The following NFKB1 variants were observed in gnomAD, a reference collection of about 807,000 sequenced individuals.
NFKB1 encodes nuclear factor kappa B subunit 1, also known as nuclear factor NF-kappa-B p105 subunit.
NFKB1 carries 9 observed loss-of-function variants against 105.1 expected under a neutral mutation model. The ratio of observed to expected loss-of-function variants is 0.09; its 90% CI spans 0.05 to 0.15. The LOEUF (loss-of-function observed/expected upper bound fraction) is 0.15, where lower values mean the gene tolerates loss of function less well. Ranked by LOEUF, NFKB1 falls within the 10% of genes least tolerant of loss-of-function variation. The pLI, the probability that NFKB1 is intolerant of heterozygous loss-of-function variation, is 1.00. For missense variants in NFKB1, 830 were observed against 1,203.7 expected, an observed-to-expected ratio of 0.69 and a Z score of 4.59; for synonymous variants, 440 against 442.2, an observed-to-expected ratio of 1.00 and a Z score of 0.06.
chr4:102,613,422 C>T lies in NFKB1; in HGVS notation c.2593-3C>T. 1 of 1,613,168 alleles carries T rather than the reference C, an allele frequency of 6.2e-7. No homozygotes were observed. The highest frequency in any genetic ancestry group is 8.5e-7 in the Non-Finnish European group (1 of 1,179,514). The stretch of plus-strand genomic sequence containing the variant: ...ATGCTCCTCCTTCCTTTCTTTCTCA[C>T]AGGTCTCTGGGGGTACAGTCAGAGA... On this transcript the variant is annotated splice_polypyrimidine_tract_variant and splice_region_variant and intron_variant, in intron 22 of 23. Transcript: ENST00000226574.
At chr4:102,562,367 T>G (rs1723513178) in intron 5 of NFKB1, among the ~76,000 whole-genome samples, 1 of 152,216 alleles carries the variant, frequency 6.6e-6, no homozygotes, top group Admixed American at 6.5e-5. Context: ...ATTATTTGAT[T>G]AGTGTCAGTC....
intron 5 of NFKB1, among the ~76,000 whole-genome samples, chr4:102,548,882 A>G (rs1434971550): frequency 2.0e-5 from 3 of 152,004 alleles, no homozygotes; most frequent in South Asian, 2.1e-4. Flanking sequence ...CCATAACCCT[A>G]TGTGACCTCA....
intron 11 of NFKB1, among the ~76,000 whole-genome samples, chr4:102,588,059 T>C (rs1431754008): frequency 6.6e-6 from 1 of 152,166 alleles, no homozygotes; most frequent in Non-Finnish European, 1.5e-5. Context: ...ACCTGTCTTA[T>C]CTATTTATTT....
At chr4:102,568,236 T>TAG (rs1724034741) in intron 6 of NFKB1, among the ~76,000 whole-genome samples, 1 of 152,024 alleles carries the variant, frequency 6.6e-6, no homozygotes, top group African/African-American at 2.4e-5. Context: ...GTGAAAAACC[T>TAG]AGAGAGAGAG....
chr4:102,561,914 C>T (rs2149160919), intron 5 of NFKB1, among the ~76,000 whole-genome samples: 1 of 152,238 alleles, frequency 6.6e-6, no homozygotes, highest in East Asian at 1.9e-4. Flanking sequence ...CCTGCCTGTC[C>T]CTTCCAATCA....
chr4:102,548,715 C>T (rs945887463), intron 5 of NFKB1, among the ~76,000 whole-genome samples: 1 of 152,232 alleles, frequency 6.6e-6, no homozygotes, highest in Admixed American at 6.5e-5. Flanking sequence ...TTTCTAGCTT[C>T]TTGTGGTTGC....
chr4:102,575,635 T>G (rs1724758746), intron 6 of NFKB1, among the ~76,000 whole-genome samples: 1 of 152,220 alleles, frequency 6.6e-6, no homozygotes, highest in Non-Finnish European at 1.5e-5. Context: ...TTTTGCCACA[T>G]TCATCATTCA....
chr4:102,605,823 C>A (rs911000988), intron 16 of NFKB1, among the ~76,000 whole-genome samples: 1 of 152,128 alleles, frequency 6.6e-6, no homozygotes, highest in Admixed American at 6.5e-5. Context: ...ATTGACTGGT[C>A]TCAGGAGCCA....
intron 1 of NFKB1, among the ~76,000 whole-genome samples, chr4:102,518,585 C>G (rs1740356187): frequency 6.6e-6 from 1 of 152,004 alleles, no homozygotes; most frequent in South Asian, 2.1e-4. Context: ...GCTTTTGTTG[C>G]ATTAAAAAAA....
rs755801598 is a variant in NFKB1 at position 102,584,774 on chromosome 4, G to T, written c.1020G>T (p.Leu340Phe). 1 of 1,612,754 alleles carries T rather than the reference G, an allele frequency of 6.2e-7. No individual in the cohort carries two copies. Among genetic ancestry groups the T allele is most frequent in the Non-Finnish European group, 8.5e-7 (1 of 1,179,302 alleles). ...TCCAGCTTCGGAGGAAATCTGACTT[G>T]GAAACTAGTGAACCAAAACCTTTCC... ...VFVQLRRKSDLETSEPKPFLY... is the reference protein window; with the variant it reads ...VFVQLRRKSDFETSEPKPFLY... The change falls in exon 11 of 24, where the codon TTG becomes TTT. Residue 340 changes from leucine to phenylalanine, a missense_variant. By Grantham distance (22) the Leu-to-Phe change is conservative. Coordinates refer to ENST00000226574, the MANE Select transcript of NFKB1 (RefSeq NM_003998.4).
At chr4:102,599,591 C>T (rs1726954758) in intron 15 of NFKB1, among the ~76,000 whole-genome samples, 1 of 152,182 alleles carries the variant, frequency 6.6e-6, no homozygotes, top group Admixed American at 6.5e-5. Context: ...GTCTTTAGAA[C>T]AGTGCACATG....
chr4:102,583,008 C>A (rs1286723931), intron 10 of NFKB1, 51 bp downstream of exon 10: 3 of 1,262,630 alleles, frequency 2.4e-6, no homozygotes, highest in Non-Finnish European at 3.4e-6. Flanking sequence ...GAGATGGGAT[C>A]TCACTCTGAC....
intron 5 of NFKB1, among the ~76,000 whole-genome samples, chr4:102,565,755 T>C (rs1723814528): frequency 6.6e-6 from 1 of 152,078 alleles, no homozygotes; most frequent in South Asian, 2.1e-4. Context: ...TCTCTCTGTC[T>C]CTCTTTCTTT....
chr4:102,546,843 G>A (rs1226714797), intron 5 of NFKB1, among the ~76,000 whole-genome samples: 1 of 152,138 alleles, frequency 6.6e-6, no homozygotes, highest in Non-Finnish European at 1.5e-5. Flanking sequence ...CAGCCTAGGG[G>A]GAATCAGAAG....
intron 16 of NFKB1, among the ~76,000 whole-genome samples, chr4:102,605,192 C>G (rs1727597941): frequency 6.6e-6 from 1 of 151,998 alleles, no homozygotes; most frequent in African/African-American, 2.4e-5. Flanking sequence ...AGGCTCTTGG[C>G]AACAATATCT....
At chr4:102,553,596 AG>A (rs1320690577) in intron 5 of NFKB1, among the ~76,000 whole-genome samples, 6 of 152,160 alleles carry the variant, frequency 3.9e-5, no homozygotes, top group Non-Finnish European at 7.4e-5. Context: ...TTATGTTATT[AG>A]GATTTTTAAA....
chr4:102,599,688 T>C (rs986487828), intron 15 of NFKB1, among the ~76,000 whole-genome samples: 4 of 152,200 alleles, frequency 2.6e-5, no homozygotes, highest in African/African-American at 7.2e-5. Flanking sequence ...TCACCACGTA[T>C]TGGCCTTGAC....
chr4:102,551,201 G>A (rs1399394275), intron 5 of NFKB1, among the ~76,000 whole-genome samples: 5 of 152,182 alleles, frequency 3.3e-5, no homozygotes, highest in Admixed American at 6.5e-5. Context: ...GCTGGGCTCT[G>A]TGTTGACACA....
chr4:102,583,032 T>G lies in NFKB1; in HGVS notation c.927+75T>G, dbSNP rs1190513504. On this transcript the variant is annotated intron_variant, in intron 10 of 23. Transcript: ENST00000226574. Reference sequence around the variant, plus strand: ...TCTCACTCTGACACCCAGGCTGCAGTGCAGTGGTACAATCACAGCTCACTG... The same window carrying G: ...TCTCACTCTGACACCCAGGCTGCAGGGCAGTGGTACAATCACAGCTCACTG... 6.0e-6 allele frequency: 6 copies of G among 996,216 alleles called. No homozygotes were observed. The Admixed American group carries it at 1.1e-4, about 19-fold the overall frequency. 61.7% of individuals were successfully genotyped at this position (996,216 alleles called of 1,614,324 possible). A position where few individuals can be genotyped will look rare whatever the true frequency, so the allele number is the denominator to read the frequency against.
Sources: gnomAD v4.1 joint callset for allele counts (sites outside exome capture counted in the v4.1 genomes callset) on GRCh38, gnomAD v4.1.1 for gene constraint, MANE v1.5 for transcripts, NCBI Gene and HGNC (gene_info 2026-07-23, HGNC 2026-07-21) for gene names.